The following FBH1 variants were observed in gnomAD, a reference collection of about 807,000 sequenced individuals.
FBH1 encodes F-box DNA helicase 1.
In FBH1, 43 loss-of-function variants were observed where a neutral mutation model predicts 115.5. That is an observed-to-expected ratio of 0.37 (90% confidence interval 0.29 to 0.48). The LOEUF is 0.48. Among genes scored for constraint, FBH1 ranks in the 20% least tolerant of loss-of-function variants. FBH1 has a pLI of 0.99. For synonymous variants in FBH1, 524 were observed against 507.8 expected (o/e 1.03, Z -0.43); for missense variants, 1,001 against 1,337.3 (o/e 0.75, Z 3.92).
At chr10:5,894,112 T>C in intron 1 of FBH1, 1 of 985,416 alleles carries the variant, frequency 1.0e-6, no homozygotes, top group Non-Finnish European at 1.2e-6. Flanking sequence ...AACTTTTGGA[T>C]TTCTGGAGAA....
chr10:5,917,658 G>A lies in FBH1; in HGVS notation c.1945G>A (p.Ala649Thr). The A allele has an allele frequency of 6.2e-7, 1 of 1,613,782 alleles. No homozygotes were observed. The highest frequency in any genetic ancestry group is 8.5e-7 in the Non-Finnish European group (1 of 1,179,848). The change falls in exon 12 of 21, where the codon GCC becomes ACC. Residue 649 changes from alanine (A) to threonine (T), a missense_variant. Ala to Thr is a moderately conservative substitution (Grantham distance 58, BLOSUM62 0). This residue lies in a region of FBH1 where 521 missense variants were observed against 811.0 expected (regional missense o/e 0.64). Transcript: ENST00000362091. The surrounding 1 kb of genome is among the most constrained non-coding windows in gnomAD (Gnocchi z 5.6). ...TTTTGACGCCATCTTTGTGGATGAGGCCCAGGACTGCACACCAGGTGATAC... is the reference window on the plus strand; with the variant it reads ...TTTTGACGCCATCTTTGTGGATGAGACCCAGGACTGCACACCAGGTGATAC... Reference protein sequence around the residue: ...ASFDAIFVDEAQDCTPAIMNI... With the variant: ...ASFDAIFVDETQDCTPAIMNI...
chr10:5,923,670 T>G lies in FBH1; in HGVS notation c.2372T>G (p.Leu791Arg). Residue 791 changes from leucine to arginine, a missense_variant, in exon 16 of 21, where the codon CTT becomes CGT. Transcript: ENST00000362091. This position sits in a 1 kb window ranked among gnomAD's most constrained non-coding sequence, Gnocchi z 5.7. ...AGAATCATTGATATTTGGATCCTTCTTCAGCCAGAGGAAGAACGGAGGAAA... is the reference window on the plus strand; with the variant it reads ...AGAATCATTGATATTTGGATCCTTCGTCAGCCAGAGGAAGAACGGAGGAAA... ...LDRIIDIWIL[L>R]QPEEERRKQN... 1 of 1,614,206 alleles carries G rather than the reference T, an allele frequency of 6.2e-7. No homozygotes were observed. Among genetic ancestry groups the G allele is most frequent in the Non-Finnish European group, 8.5e-7 (1 of 1,180,026 alleles).
At position 5,936,619 on chromosome 10, in the gene FBH1, C is replaced by T. The variant is rs1403771013; in HGVS notation, c.2961+32C>T. ...CTGCTGTCTGTGGAACTTAATTCAG[C>T]CATTTGCATTTTTTGCTTGTGAGCT... is the stretch of plus-strand genomic sequence containing the variant. On this transcript the variant is annotated intron_variant, in intron 20 of 20. Coordinates refer to ENST00000362091, the MANE Select transcript of FBH1 (RefSeq NM_178150.3). The surrounding 1 kb of genome is among the most constrained non-coding windows in gnomAD (Gnocchi z 5.6). 6.2e-7 allele frequency: 1 copy of T among 1,608,646 alleles called. No homozygotes were observed. Among genetic ancestry groups the T allele is most frequent in the East Asian group, 2.2e-5 (1 of 44,694 alleles).
Position 5,906,733 on chromosome 10 carries a change from T to TTC in FBH1, c.753+102_753+103insCT. 3 of 1,050,446 alleles carry TTC rather than the reference T, an allele frequency of 2.9e-6. No individual in the cohort carries two copies. The highest frequency in any genetic ancestry group is 4.1e-6 in the Non-Finnish European group (3 of 730,078). The allele number at this position is 1,050,446 out of a possible 1,614,324, so 65.1% of individuals were successfully genotyped here. ...GGATCTTTTCAGAAATGGTTTCCATTTGCCTTCAGAAGACATTCAGACTCC... is the reference window on the plus strand; with the variant it reads ...GGATCTTTTCAGAAATGGTTTCCATTTCTGCCTTCAGAAGACATTCAGACTCC... On this transcript the variant is annotated intron_variant, in intron 3 of 20. Transcript: ENST00000362091. The surrounding 1 kb of genome is among the most constrained non-coding windows in gnomAD (Gnocchi z 7.3).
chr10:5,901,494 A>G (rs1020533177), intron 1 of FBH1, among the ~76,000 whole-genome samples: 11 of 151,372 alleles, frequency 7.3e-5, no homozygotes, highest in African/African-American at 2.7e-4. Flanking sequence ...AAAATATGAT[A>G]CTGGTAGAAC....
chr10:5,918,250 G>C lies in FBH1; in HGVS notation c.1964-92G>C. 6.6e-7 allele frequency: 1 copy of C among 1,523,976 alleles called. No individual in the cohort carries two copies. Among genetic ancestry groups the C allele is most frequent in the African/African-American group, 1.4e-5 (1 of 71,196 alleles). The allele number at this position is 1,523,976 out of a possible 1,614,324, so 94.4% of individuals were successfully genotyped here. A position where few individuals can be genotyped will look rare whatever the true frequency, so the allele number is the denominator to read the frequency against. On this transcript the variant is annotated intron_variant, in intron 12 of 20. Coordinates refer to ENST00000362091, the MANE Select transcript of FBH1 (RefSeq NM_178150.3). The surrounding 1 kb of genome is among the most constrained non-coding windows in gnomAD (Gnocchi z 4.0). ...CGACCGTGAGGTCCAGTGTGCCCTG[G>C]CTTAGCTTCGTGGAAGTGTTTTTGT...
rs1832438358 is a variant in FBH1, at chr10:5,923,595, A to C, written c.2323-26A>C. On this transcript the variant is annotated intron_variant, in intron 15 of 20. Transcript: ENST00000362091. The surrounding 1 kb of genome is among the most constrained non-coding windows in gnomAD (Gnocchi z 5.7). ...CAAAACAAAAAACAACAAAAAAACA[A>C]AAATCCCACCAAAAAACTTTTTCAG... 1.3e-6 allele frequency: 2 copies of C among 1,595,562 alleles called. No homozygotes were observed. Among genetic ancestry groups the C allele is most frequent in the Non-Finnish European group, 1.7e-6 (2 of 1,170,128 alleles).
Position 5,902,994 on chromosome 10 carries a change from T to C in FBH1, c.2-26T>C, listed in dbSNP as rs1410143433. ...CGGTGATAACTAATGAATATCCCCT[T>C]TCTTCTACCTGCTGGTATGAAACAG... On this transcript the variant is annotated intron_variant, in intron 1 of 20. Transcript: ENST00000362091. 3.8e-6 allele frequency: 6 copies of C among 1,581,578 alleles called. No homozygotes were observed. The Admixed American group carries it at 5.3e-5, about 14-fold the overall frequency.
intron 1 of FBH1, chr10:5,894,285 T>C: frequency 1.4e-6 from 2 of 1,451,076 alleles, no homozygotes; most frequent in Non-Finnish European, 1.8e-6. Context: ...ATTTTCCTTA[T>C]AGTTATGTTT....
chr10:5,890,544 G>C (rs1434633734), intron 1 of FBH1, among the ~76,000 whole-genome samples, 198 bp downstream of exon 1: 1 of 151,414 alleles, frequency 6.6e-6, no homozygotes, highest in Admixed American at 6.6e-5. Flanking sequence ...GGCGCGGCGG[G>C]GGTGCGCGGG....
At chr10:5,926,688 T>C (rs1007304576) in intron 18 of FBH1, among the ~76,000 whole-genome samples, 1 of 152,214 alleles carries the variant, frequency 6.6e-6, no homozygotes, top group African/African-American at 2.4e-5. Flanking sequence ...TGGAGAAGTT[T>C]ACTATAGTAC....
intron 1 of FBH1, among the ~76,000 whole-genome samples, chr10:5,902,447 A>G (rs1843403910): frequency 6.6e-6 from 1 of 152,206 alleles, no homozygotes; most frequent in Admixed American, 6.5e-5. Flanking sequence ...GAGAAAGTTA[A>G]GGAACAGATG....
upstream of FBH1, chr10:5,890,124 C>G: frequency 3.1e-6 from 1 of 324,184 alleles, no homozygotes. Context: ...CACGCCCCCT[C>G]CGGTCTCGCG....
intron 19 of FBH1, among the ~76,000 whole-genome samples, chr10:5,930,797 T>C (rs1219078138): frequency 6.6e-6 from 1 of 152,250 alleles, no homozygotes; most frequent in African/African-American, 2.4e-5. Context: ...TTGCCTAGGC[T>C]TTAGTGCAGT....
intron 19 of FBH1, 59 bp downstream of exon 19, chr10:5,927,600 T>C: frequency 2.2e-6 from 3 of 1,391,994 alleles, no homozygotes; most frequent in Non-Finnish European, 3.0e-6. Flanking sequence ...TTAGTCTGCT[T>C]GAGGGGCTGA....
Position 5,906,237 on chromosome 10 carries a change from T to G in FBH1, c.358T>G (p.Ser120Ala), listed in dbSNP as rs1843682898. 2 of 1,614,094 alleles carry G rather than the reference T, an allele frequency of 1.2e-6. No individual in the cohort carries two copies. Among genetic ancestry groups the G allele is most frequent in the South Asian group, 1.1e-5 (1 of 91,094 alleles). Residue 120 changes from serine to alanine, a missense_variant, in exon 3 of 21, where the codon TCC (serine) becomes GCC (alanine). Ser to Ala is a moderately conservative substitution (Grantham distance 99). This residue lies in a region of FBH1 where 420 missense variants were observed against 430.4 expected (regional missense o/e 0.98). Coordinates refer to ENST00000362091, the MANE Select transcript of FBH1 (RefSeq NM_178150.3). This position sits in a 1 kb window ranked among gnomAD's most constrained non-coding sequence, Gnocchi z 7.3. The part of the protein sequence containing the change: ...GPGSPGSAPP[S>A]RKRSWSSEEE... The stretch of plus-strand genomic sequence containing the variant: ...GGGCTCACCAGGGTCTGCCCCGCCC[T>G]CCAGGAAGCGGTCTTGGTCCTCTGA...
Position 5,914,380 on chromosome 10 carries a change from A to T in FBH1, c.1396+111A>T. 1 of 864,872 alleles carries T rather than the reference A, an allele frequency of 1.2e-6. No individual in the cohort carries two copies. The highest frequency in any genetic ancestry group is 1.9e-6 in the Non-Finnish European group (1 of 525,258). 53.6% of individuals were successfully genotyped at this position (864,872 alleles called of 1,614,324 possible). A position where few individuals can be genotyped will look rare whatever the true frequency, so the allele number is the denominator to read the frequency against. On this transcript the variant is annotated intron_variant, in intron 8 of 20. Transcript: ENST00000362091. The surrounding 1 kb of genome is among the most constrained non-coding windows in gnomAD (Gnocchi z 5.2). ...TTTGCTCTGATCTGTCATCCAACTA[A>T]TAATTCAATAACAGATCAAATAATC...
Position 5,917,419 on chromosome 10 carries a change from G to T in FBH1, c.1789-1G>T. On this transcript the variant is annotated splice_acceptor_variant, in intron 10 of 20. Coordinates refer to ENST00000362091, the MANE Select transcript of FBH1 (RefSeq NM_178150.3). LOFTEE classifies it high-confidence loss of function. This position sits in a 1 kb window ranked among gnomAD's most constrained non-coding sequence, Gnocchi z 5.6. ...GGGTTACCATATGCTTTACTTCCTA[G>T]AATGGTGTCCTTGAAGCGAGCCGCC... 1 of 1,613,896 alleles carries T rather than the reference G, an allele frequency of 6.2e-7. No individual in the cohort carries two copies. The highest frequency in any genetic ancestry group is 1.1e-5 in the South Asian group (1 of 91,020).
rs751929668 is a variant in FBH1 at position 5,906,172 on chromosome 10, A to C, written c.293A>C (p.Glu98Ala). ...GAGGGTGACATGATCTTTCCTGCAG[A>C]GAGCAGCTGTGCACTGCCTCAGGAA... ...DSEGDMIFPA[E>A]SSCALPQEGS... The change falls in exon 3 of 21, where the codon GAG (glutamate) becomes GCG (alanine). Residue 98 changes from glutamate (E) to alanine (A), a missense_variant. This residue lies in a region of FBH1 where 420 missense variants were observed against 430.4 expected (regional missense o/e 0.98). Coordinates refer to ENST00000362091, the MANE Select transcript of FBH1 (RefSeq NM_178150.3). This position sits in a 1 kb window ranked among gnomAD's most constrained non-coding sequence, Gnocchi z 7.3. 6.2e-7 allele frequency: 1 copy of C among 1,614,210 alleles called. No homozygotes were observed. The highest frequency in any genetic ancestry group is 1.7e-5 in the Admixed American group (1 of 60,022).
Sources: gnomAD v4.1 joint callset for allele counts (sites outside exome capture counted in the v4.1 genomes callset) on GRCh38, gnomAD v4.1.1 for gene constraint, gnomAD v4.1.1 regional missense constraint, Gnocchi (gnomAD v3.1) non-coding constraint, MANE v1.5 for transcripts, NCBI Gene and HGNC (gene_info 2026-07-23, HGNC 2026-07-21) for gene names.